SYNE2: variants seen among roughly 807,000 people sequenced by gnomAD.
SYNE2 encodes the protein nesprin-2.
In SYNE2, 431 loss-of-function variants were observed where a neutral mutation model predicts 856.3. The observed-to-expected ratio is 0.50, with a 90% CI of 0.47 to 0.55. SYNE2 has a LOEUF of 0.55. SYNE2 is among the 20% of genes least tolerant of loss of function. The probability of loss-of-function intolerance (pLI) is 0.00; values close to 1 mark genes in which losing one functional copy is unlikely to be tolerated. For missense variants in SYNE2, 8,129 were observed against 8,023.2 expected (o/e 1.01, Z -0.50); for synonymous variants, 2,923 against 2,872.3 (o/e 1.02, Z -0.56).
intron 110 of SYNE2, among the ~76,000 whole-genome samples, chr14:64,219,839 C>T (rs1252791643): frequency 2.0e-5 from 3 of 152,128 alleles, no homozygotes; most frequent in Non-Finnish European, 4.4e-5. Flanking sequence ...ACTGATGAAT[C>T]CCGTGGCCTG....
At chr14:64,057,023 A>G (rs1402725959) in intron 49 of SYNE2, among the ~76,000 whole-genome samples, 1 of 151,998 alleles carries the variant, frequency 6.6e-6, no homozygotes, top group Non-Finnish European at 1.5e-5. Context: ...ATAGGTATAT[A>G]TATTTATGAC....
At chr14:63,805,770 GGCTCTCA>G (rs1384949252) in intron 1 of SYNE2, among the ~76,000 whole-genome samples, 1 of 152,130 alleles carries the variant, frequency 6.6e-6, no homozygotes, top group Admixed American at 6.6e-5. Context: ...TTATTGATTT[GGCTCTCA>G]GCTTGGACGT....
intron 16 of SYNE2, among the ~76,000 whole-genome samples, chr14:63,981,432 A>G (rs2096585095): frequency 1.3e-5 from 2 of 152,198 alleles, no homozygotes; most frequent in South Asian, 4.1e-4. Context: ...CTTAAGGTAT[A>G]ATTTACATAC....
At chr14:64,070,267 C>G (rs1223596518) in intron 51 of SYNE2, among the ~76,000 whole-genome samples, 1 of 152,204 alleles carries the variant, frequency 6.6e-6, no homozygotes, top group Non-Finnish European at 1.5e-5. Flanking sequence ...GAAAAATTTT[C>G]CATATCCAAT....
intron 1 of SYNE2, among the ~76,000 whole-genome samples, chr14:63,810,454 A>C (rs1462612266): frequency 6.6e-6 from 1 of 152,192 alleles, no homozygotes; most frequent in Admixed American, 6.5e-5. Flanking sequence ...CTTCAAAGAT[A>C]ATTTATGAAA....
In SYNE2 at chr14:64,056,020, C is replaced by T. The variant is rs750523354; in HGVS notation, c.9821C>T (p.Ser3274Phe). The T allele has an allele frequency of 6.2e-7, 1 of 1,614,062 alleles. No homozygotes were observed. The highest frequency in any genetic ancestry group is 1.3e-5 in the African/African-American group (1 of 75,032). The change falls in exon 49 of 116, where the codon TCC (serine) becomes TTC (phenylalanine). Residue 3274 changes from serine to phenylalanine, a missense_variant. Transcript: ENST00000555002. ...AVTRAVESIT[S>F]LEAIIIPYRV... The stretch of plus-strand genomic sequence containing the variant: ...ACCAGGGCAGTGGAGAGCATCACTT[C>T]CCTCGAAGCCATCATTATACCCTAC...
intron 45 of SYNE2, among the ~76,000 whole-genome samples, chr14:64,032,024 A>C (rs2097041409): frequency 6.6e-6 from 1 of 152,226 alleles, no homozygotes; most frequent in Non-Finnish European, 1.5e-5. Context: ...AGCTTCTCAC[A>C]GTCAGGGTCC....
chr14:63,941,643 A>G (rs2095917877), intron 3 of SYNE2, 52 bp from the exon 4 acceptor site: 12 of 1,474,628 alleles, frequency 8.1e-6, no homozygotes, highest in Non-Finnish European at 1.0e-5. Flanking sequence ...TCTTAAAGGT[A>G]TTCTTTTTGG....
chr14:64,217,941 A>T (rs574550047), intron 108 of SYNE2, among the ~76,000 whole-genome samples: 2 of 152,344 alleles, frequency 1.3e-5, no homozygotes, highest in East Asian at 3.9e-4. Context: ...TGGGAGGCAG[A>T]TTCATCCTCT....
chr14:64,176,992 T>G (rs2098438131), intron 95 of SYNE2, among the ~76,000 whole-genome samples: 1 of 152,010 alleles, frequency 6.6e-6, no homozygotes, highest in African/African-American at 2.4e-5. Flanking sequence ...GAGACGGAGT[T>G]TCGCCATGTT....
Position 64,225,791 on chromosome 14 carries a change from C to G in SYNE2, c.*265C>G. On this transcript the variant is annotated 3_prime_UTR_variant, in exon 116 of 116. Coordinates refer to ENST00000555002, the MANE Select transcript of SYNE2 (RefSeq NM_182914.3). Reference sequence around the variant, plus strand: ...TTAGTTTAGGGATCTCTGGAAATGTCAGTTTCCTGAAGAGCCAAGCACTTT... The same window carrying G: ...TTAGTTTAGGGATCTCTGGAAATGTGAGTTTCCTGAAGAGCCAAGCACTTT... 1.7e-6 allele frequency: 1 copy of G among 594,698 alleles called. No homozygotes were observed. Among genetic ancestry groups the G allele is most frequent in the Non-Finnish European group, 3.0e-6 (1 of 333,278 alleles). The allele number at this position is 594,698 out of a possible 1,614,324, so 36.8% of individuals were successfully genotyped here.
chr14:63,969,277 C>T (rs968615836), intron 11 of SYNE2, among the ~76,000 whole-genome samples: 1 of 146,678 alleles, frequency 6.8e-6, no homozygotes, highest in African/African-American at 2.5e-5. Context: ...TCAAGAGATT[C>T]TTCTGCCTCA....
At position 64,218,413 on chromosome 14, in the gene SYNE2, C is replaced by G. The variant is rs2098676992; in HGVS notation, c.19558C>G (p.Pro6520Ala). The G allele has an allele frequency of 6.2e-7, 1 of 1,614,058 alleles. No individual in the cohort carries two copies. Among genetic ancestry groups the G allele is most frequent in the Non-Finnish European group, 8.5e-7 (1 of 1,179,992 alleles). ...CTCATTCTAGGGAAAGCTACTATTA[C>G]CTCCAGGCACGGATGGTGGCAAAGA... is the stretch of plus-strand genomic sequence containing the variant. Reference protein sequence around the residue: ...YKPPYGKLLLPPGTDGGKEGP... With the variant: ...YKPPYGKLLLAPGTDGGKEGP... Residue 6520 changes from proline (P) to alanine (A), a missense_variant, in exon 109 of 116, where the codon CCT becomes GCT. By Grantham distance (27) the Pro-to-Ala change is conservative. This residue lies in a region of SYNE2 where 5,410 missense variants were observed against 5,284.8 expected (regional missense o/e 1.02). Transcript: ENST00000555002.
At chr14:64,102,639 A>G (rs1210663993) in intron 64 of SYNE2, among the ~76,000 whole-genome samples, 3 of 151,064 alleles carry the variant, frequency 2.0e-5, no homozygotes, top group Non-Finnish European at 4.4e-5. Context: ...CATATTTGTC[A>G]TCTTTTCAGT....
intron 111 of SYNE2, 64 bp from the exon 112 acceptor site, chr14:64,221,512 T>C: frequency 2.5e-6 from 4 of 1,614,134 alleles, no homozygotes; most frequent in Non-Finnish European, 3.4e-6. Context: ...GTAAGCCATG[T>C]TCCTGGCACA....
At chr14:63,901,156 T>C (rs1388267820) in intron 1 of SYNE2, among the ~76,000 whole-genome samples, 1 of 152,266 alleles carries the variant, frequency 6.6e-6, no homozygotes, top group Non-Finnish European at 1.5e-5. Flanking sequence ...AACTGTCTAC[T>C]AATGAGAAAA....
At chr14:64,076,878 C>T (rs2097464904) in intron 54 of SYNE2, among the ~76,000 whole-genome samples, 1 of 151,676 alleles carries the variant, frequency 6.6e-6, no homozygotes, top group South Asian at 2.1e-4. Flanking sequence ...GAAAATCTCA[C>T]ATGTAAAAAA....
Position 63,978,953 on chromosome 14 carries a change from A to T in SYNE2, c.1508A>T (p.Asp503Val), listed in dbSNP as rs748011744. Residue 503 changes from aspartate (D) to valine (V), a missense_variant, in exon 14 of 116, where the codon GAT (aspartate) becomes GTT (valine). Transcript: ENST00000555002. ...GTAGATGAAGTGAAATCAAAATTGG[A>T]TATTTGGAACATTAAATATGGGAGC... Reference protein sequence around the residue: ...GLVDEVKSKLDIWNIKYGSRE... With the variant: ...GLVDEVKSKLVIWNIKYGSRE... 78 of 1,613,608 alleles carry T rather than the reference A, an allele frequency of 4.8e-5. No homozygotes were observed. Among genetic ancestry groups the T allele is most frequent in the Non-Finnish European group, 6.6e-5 (78 of 1,179,750 alleles).
At position 63,982,907 on chromosome 14, in the gene SYNE2, C is replaced by A. The variant is rs2096597450; in HGVS notation, c.2001+113C>A. Reference sequence around the variant, plus strand: ...TTCTGGTATATGCACAGTTACGTAGCCATTACCATAAAAAATTTAGAACAT... The same window carrying A: ...TTCTGGTATATGCACAGTTACGTAGACATTACCATAAAAAATTTAGAACAT... On this transcript the variant is annotated intron_variant, in intron 17 of 115. Transcript: ENST00000555002. The A allele has an allele frequency of 7.6e-6, 8 of 1,054,990 alleles. No homozygotes were observed. The Admixed American group carries it at 1.1e-4, about 14-fold the overall frequency. The allele number at this position is 1,054,990 out of a possible 1,614,324, so 65.4% of individuals were successfully genotyped here.
Sources: allele counts gnomAD v4.1 joint callset (sites outside exome capture counted in the v4.1 genomes callset), GRCh38; gene constraint gnomAD v4.1.1; regional missense constraint gnomAD v4.1.1; transcripts MANE v1.5; gene names NCBI Gene and HGNC (gene_info 2026-07-23, HGNC 2026-07-21).